TBC1D19: variants seen among roughly 807,000 people sequenced by gnomAD.
TBC1D19 encodes TBC1 domain family member 19, also known as TBC1 domain family, member 19.
In TBC1D19, 60 loss-of-function variants were observed where a neutral mutation model predicts 89.0. The ratio of observed to expected loss-of-function variants is 0.67; its 90% confidence interval spans 0.55 to 0.84. TBC1D19 has a LOEUF of 0.84. Ranked by LOEUF, TBC1D19 falls within the 40% of genes least tolerant of loss-of-function variation. The probability of loss-of-function intolerance (pLI) is 0.00; values close to 1 mark genes in which losing one functional copy is unlikely to be tolerated. For missense variants in TBC1D19, 500 were observed against 610.8 expected (o/e 0.82, Z 1.91); for synonymous variants, 189 against 199.7 (o/e 0.95, Z 0.45).
intron 3 of TBC1D19, among the ~76,000 whole-genome samples, chr4:26,616,574 T>C (rs2110022624): frequency 6.6e-6 from 1 of 152,234 alleles, no homozygotes; most frequent in South Asian, 2.1e-4. Flanking sequence ...TAGGTAATAT[T>C]AAACAATGGG....
At chr4:26,857,691 G>C in the TBC1D19 span, 1 of 152,214 alleles carries the variant, frequency 6.6e-6, no homozygotes, top group African/African-American at 2.4e-5. Context: ...GGGCATGCGC[G>C]GGGCTGCGGT....
chr4:26,726,216 G>A (rs1717313562), intron 15 of TBC1D19, among the ~76,000 whole-genome samples: 1 of 149,740 alleles, frequency 6.7e-6, no homozygotes, highest in Non-Finnish European at 1.5e-5. Flanking sequence ...GACATTTTTG[G>A]TTGTCAGCCA....
intron 4 of TBC1D19, among the ~76,000 whole-genome samples, chr4:26,635,204 T>C (rs913283290): frequency 2.0e-5 from 3 of 152,142 alleles, no homozygotes; most frequent in African/African-American, 7.2e-5. Flanking sequence ...TTTTCTTACC[T>C]GTTTTCTCCA....
At chr4:26,584,520 G>C (rs1294544396) in intron 1 of TBC1D19, among the ~76,000 whole-genome samples, 1 of 152,208 alleles carries the variant, frequency 6.6e-6, no homozygotes, top group Non-Finnish European at 1.5e-5. Flanking sequence ...AGCCCCAGGC[G>C]TGGTTAATAG....
At chr4:26,773,138 C>T in the TBC1D19 span, among the ~76,000 whole-genome samples, 11 of 152,246 alleles carry the variant, frequency 7.2e-5, no homozygotes, top group Admixed American at 4.6e-4. Flanking sequence ...TTGCTTTTGA[C>T]GTTTTAATAG....
intron 12 of TBC1D19, among the ~76,000 whole-genome samples, chr4:26,687,125 G>A (rs1337142194): frequency 1.3e-5 from 2 of 152,208 alleles, no homozygotes; most frequent in Non-Finnish European, 2.9e-5. Context: ...TAAAAGCATG[G>A]TATAGTTACA....
intron 17 of TBC1D19, chr4:26,741,061 A>G: frequency 6.2e-6 from 5 of 810,804 alleles, no homozygotes; most frequent in Non-Finnish European, 7.5e-6. Flanking sequence ...AATTAAGATT[A>G]ATAATTCTTT....
chr4:26,637,381 T>C (rs977852654), intron 5 of TBC1D19, 96 bp downstream of exon 5: 2 of 1,056,954 alleles, frequency 1.9e-6, no homozygotes, highest in African/African-American at 3.3e-5. Flanking sequence ...TTTATTTATT[T>C]ATTTATTTAG....
upstream of TBC1D19, among the ~76,000 whole-genome samples, chr4:26,581,917 C>T (rs114545644): frequency 2.3e-3 from 345 of 151,322 alleles, 1 homozygote; most frequent in African/African-American, 7.5e-3. Context: ...AATTATACTC[C>T]GACACATCTG....
chr4:26,639,055 T>C (rs181107194), intron 6 of TBC1D19, among the ~76,000 whole-genome samples: 1 of 152,252 alleles, frequency 6.6e-6, no homozygotes, highest in Non-Finnish European at 1.5e-5. Context: ...TTTTTGTTTG[T>C]TTGTGTTTTT....
intron 16 of TBC1D19, among the ~76,000 whole-genome samples, chr4:26,737,681 A>G (rs536558704): frequency 7.2e-4 from 110 of 152,252 alleles, no homozygotes; most frequent in African/African-American, 2.6e-3. Context: ...CATCCACAAA[A>G]ACTTTACCAG....
At chr4:26,576,718 G>A (rs1294920007) in exon 1 of TBC1D19, 1 of 456,044 alleles carries the variant, frequency 2.2e-6, no homozygotes, top group Non-Finnish European at 4.4e-6. Flanking sequence ...AACACAGCAG[G>A]GCAGAGAGCC....
At chr4:26,804,606 C>T in the TBC1D19 span, among the ~76,000 whole-genome samples, 63 of 152,256 alleles carry the variant, frequency 4.1e-4, no homozygotes, top group African/African-American at 1.1e-3. Context: ...GAGGTCCTCA[C>T]GCCGCAGGCC....
At chr4:26,787,808 G>T in the TBC1D19 span, among the ~76,000 whole-genome samples, 1 of 152,142 alleles carries the variant, frequency 6.6e-6, no homozygotes, top group East Asian at 1.9e-4. Flanking sequence ...TTTGAACTTG[G>T]AAGCTCCTGG....
intron 13 of TBC1D19, among the ~76,000 whole-genome samples, chr4:26,716,019 C>T (rs901446599): frequency 2.0e-5 from 3 of 152,126 alleles, no homozygotes; most frequent in African/African-American, 7.2e-5. Context: ...CTACACTGAA[C>T]AGCCTCTTTA....
intron 1 of TBC1D19, among the ~76,000 whole-genome samples, chr4:26,586,569 C>A (rs1739431929): frequency 6.6e-6 from 1 of 151,988 alleles, no homozygotes; most frequent in Non-Finnish European, 1.5e-5. Flanking sequence ...AGATTTTTAG[C>A]AATATTAAAT....
At chr4:26,746,695 A>G (rs969841856) in intron 18 of TBC1D19, among the ~76,000 whole-genome samples, 3 of 152,188 alleles carry the variant, frequency 2.0e-5, no homozygotes, top group African/African-American at 7.2e-5. Flanking sequence ...TATATACACC[A>G]TGATGTTTTT....
intron 4 of TBC1D19, among the ~76,000 whole-genome samples, chr4:26,626,487 G>C (rs923195505): frequency 6.6e-6 from 1 of 152,104 alleles, no homozygotes; most frequent in African/African-American, 2.4e-5. Context: ...ATAACCCTAT[G>C]AGGTGGGTTA....
intron 13 of TBC1D19, among the ~76,000 whole-genome samples, chr4:26,715,667 C>G (rs1297311182): frequency 6.6e-6 from 1 of 151,998 alleles, no homozygotes; most frequent in East Asian, 1.9e-4. Flanking sequence ...AGACCTTTTT[C>G]CCTTGCATCC....
Sources: gnomAD v4.1 joint callset for allele counts (sites outside exome capture counted in the v4.1 genomes callset) on GRCh38, gnomAD v4.1.1 for gene constraint, MANE v1.5 for transcripts, NCBI Gene and HGNC (gene_info 2026-07-23, HGNC 2026-07-21) for gene names.